Variants in ABCC8 observed in about 807,000 individuals in gnomAD.
ABCC8 encodes ATP binding cassette subfamily C member 8.
A neutral mutation model predicts 188.0 loss-of-function variants in ABCC8; 137 were observed. The ratio of observed to expected loss-of-function variants is 0.73; its 90% CI spans 0.63 to 0.84. ABCC8 has a LOEUF of 0.84. ABCC8 is among the 40% of genes least tolerant of loss of function. The probability of loss-of-function intolerance (pLI) is 0.00; values close to 1 mark genes in which losing one functional copy is unlikely to be tolerated. For missense variants in ABCC8, 1,750 were observed against 2,072.7 expected, an observed-to-expected ratio of 0.84 and a Z score of 3.02; for synonymous variants, 797 against 846.5, an observed-to-expected ratio of 0.94 and a Z score of 1.01.
intron 3 of ABCC8, among the ~76,000 whole-genome samples, chr11:17,466,822 C>T (rs986865600): frequency 7.2e-5 from 11 of 151,956 alleles, no homozygotes; most frequent in South Asian, 4.2e-4. Context: ...TACATTACCA[C>T]GCCCAGCTAA....
intron 3 of ABCC8, among the ~76,000 whole-genome samples, chr11:17,465,152 T>G (rs928177385): frequency 6.6e-6 from 1 of 152,134 alleles, no homozygotes; most frequent in African/African-American, 2.4e-5. Flanking sequence ...TGGAATAATG[T>G]CCCCCAGCTC....
intron 23 of ABCC8, 121 bp from the exon 24 acceptor site, chr11:17,407,574 G>A: frequency 6.6e-7 from 1 of 1,508,690 alleles, no homozygotes; most frequent in Non-Finnish European, 9.0e-7. Flanking sequence ...GTCCCTGCCT[G>A]AGGGAGGGGC....
At chr11:17,411,707 A>C (rs1357185126) in intron 21 of ABCC8, among the ~76,000 whole-genome samples, 2 of 151,924 alleles carry the variant, frequency 1.3e-5, no homozygotes, top group African/African-American at 4.8e-5. Flanking sequence ...GCCCCCTCAT[A>C]GTTTATGCCG....
At chr11:17,442,534 A>G (rs903268698) in intron 10 of ABCC8, among the ~76,000 whole-genome samples, 186 bp downstream of exon 10, 1 of 152,232 alleles carries the variant, frequency 6.6e-6, no homozygotes, top group Middle Eastern at 3.2e-3. Flanking sequence ...TGTTGGATAA[A>G]TGAATGAAGA....
At position 17,395,719 on chromosome 11, in the gene ABCC8, C is replaced by T; in HGVS notation, c.4199-1G>A. 6.4e-7 allele frequency: 1 copy of T among 1,553,514 alleles called. No homozygotes were observed. The highest frequency in any genetic ancestry group is 8.7e-7 in the Non-Finnish European group (1 of 1,147,956). ...TCAATGCCATCAATGATGATGTGCCCTGCATGGGTCCCAGTGAGGGTGCAG... is the reference window on the plus strand; with the variant it reads ...TCAATGCCATCAATGATGATGTGCCTTGCATGGGTCCCAGTGAGGGTGCAG... On this transcript the variant is annotated splice_acceptor_variant, in intron 34 of 38. Transcript: ENST00000389817. LOFTEE classifies it high-confidence loss of function.
intron 3 of ABCC8, among the ~76,000 whole-genome samples, chr11:17,464,373 G>T (rs937712822): frequency 6.6e-6 from 1 of 152,222 alleles, no homozygotes; most frequent in African/African-American, 2.4e-5. Flanking sequence ...GTTCTGTGAG[G>T]CAGCGTTATA....
Position 17,404,609 on chromosome 11 carries a change from C to T in ABCC8, c.3460G>A (p.Ala1154Thr), listed in dbSNP as rs775827563. 4.3e-6 allele frequency: 7 copies of T among 1,613,746 alleles called. No homozygotes were observed. The South Asian group carries it at 5.5e-5, about 13-fold the overall frequency. Residue 1154 changes from alanine (A) to threonine (T), a missense_variant, in exon 28 of 39, where the codon GCC (alanine) becomes ACC (threonine). By Grantham distance (58) the Ala-to-Thr change is moderately conservative. Coordinates refer to ENST00000389817, the MANE Select transcript of ABCC8 (RefSeq NM_000352.6). The surrounding 1 kb of genome is among the most constrained non-coding windows in gnomAD (Gnocchi z 4.7). ...ACAGGTGTGACATAGGAGATGACGG[C>T]CAGGGCTGAGACACAGAGCAGGGTG... The part of the protein sequence containing the change: ...RSTLLCVSAL[A>T]VISYVTPVFL...
At position 17,412,755 on chromosome 11, in the gene ABCC8, A is replaced by G. The variant is rs890244430; in HGVS notation, c.2476-9T>C. Reference sequence around the variant, plus strand: ...CCAGACAGGTTGATGCCCTGTCACCAAAGAGGAGGAACACATCATGCCCTC... The same window carrying G: ...CCAGACAGGTTGATGCCCTGTCACCGAAGAGGAGGAACACATCATGCCCTC... On this transcript the variant is annotated splice_polypyrimidine_tract_variant and intron_variant, in intron 20 of 38. Transcript: ENST00000389817. 1 of 1,604,372 alleles carries G rather than the reference A, an allele frequency of 6.2e-7. No homozygotes were observed. Among genetic ancestry groups the G allele is most frequent in the African/African-American group, 1.3e-5 (1 of 74,674 alleles).
chr11:17,392,499 T>A, downstream of ABCC8: 1 of 234,378 alleles, frequency 4.3e-6, no homozygotes, highest in Non-Finnish European at 8.4e-6. Context: ...GTAATAGGGG[T>A]GGGGCCCTAA....
At chr11:17,461,534 C>G (rs777559129) in intron 5 of ABCC8, 49 bp downstream of exon 5, 7 of 1,612,348 alleles carry the variant, frequency 4.3e-6, no homozygotes, top group Non-Finnish European at 5.1e-6. Flanking sequence ...TCTCTGTGAC[C>G]CTAAACCAGA....
chr11:17,465,175 A>C (rs1458225242), intron 3 of ABCC8, among the ~76,000 whole-genome samples: 1 of 152,194 alleles, frequency 6.6e-6, no homozygotes, highest in Non-Finnish European at 1.5e-5. Flanking sequence ...GCTGGTCTCT[A>C]GGACTGGAGG....
At chr11:17,423,192 A>G (rs1337118924) in intron 16 of ABCC8, among the ~76,000 whole-genome samples, 4 of 151,812 alleles carry the variant, frequency 2.6e-5, no homozygotes, top group Non-Finnish European at 5.9e-5. Flanking sequence ...CCCCGTCTCT[A>G]CTAAAAATAC....
At chr11:17,471,162 G>C (rs1848456752) in intron 2 of ABCC8, among the ~76,000 whole-genome samples, 1 of 152,228 alleles carries the variant, frequency 6.6e-6, no homozygotes, top group Non-Finnish European at 1.5e-5. Flanking sequence ...CTTCTATCCA[G>C]TGTGCCAAGG....
intron 10 of ABCC8, among the ~76,000 whole-genome samples, chr11:17,433,552 G>C (rs985904716): frequency 6.6e-6 from 1 of 152,258 alleles, no homozygotes; most frequent in Non-Finnish European, 1.5e-5. Context: ...TGGGTGGAAG[G>C]ACATGGCCTC....
intron 3 of ABCC8, among the ~76,000 whole-genome samples, chr11:17,464,388 G>A (rs973335102): frequency 2.0e-5 from 3 of 152,218 alleles, no homozygotes; most frequent in Admixed American, 6.5e-5. Context: ...GTTATACAGG[G>A]GTTAGTGGTG....
chr11:17,396,627 A>C, intron 33 of ABCC8: 1 of 460,072 alleles, frequency 2.2e-6, no homozygotes, highest in Non-Finnish European at 4.0e-6. Context: ...GACCATTCGC[A>C]GAGAGGGAGG....
At chr11:17,455,868 G>A (rs538255786) in intron 6 of ABCC8, among the ~76,000 whole-genome samples, 5 of 151,438 alleles carry the variant, frequency 3.3e-5, no homozygotes, top group Middle Eastern at 3.4e-3. Context: ...GAACCCAGGA[G>A]GCAGAGGTTG....
At position 17,463,609 on chromosome 11, in the gene ABCC8, C is replaced by A. The variant is rs186946111; in HGVS notation, c.413-5G>T. On this transcript the variant is annotated splice_region_variant and splice_polypyrimidine_tract_variant and intron_variant, in intron 3 of 38. Coordinates refer to ENST00000389817, the MANE Select transcript of ABCC8 (RefSeq NM_000352.6). ...GGGTCCAATACACCAGCAGGGCTGC[C>A]GAGGAGAGATGGAAGATCGCAGAGA... 4 of 1,569,756 alleles carry A rather than the reference C, an allele frequency of 2.5e-6. No homozygotes were observed. The African/African-American group carries it at 5.4e-5, about 21-fold the overall frequency.
chr11:17,395,087 AACCTGAGACACG>A, intron 36 of ABCC8, 73 bp downstream of exon 36: 12 of 1,523,774 alleles, frequency 7.9e-6, no homozygotes, highest in Non-Finnish European at 9.8e-6. Flanking sequence ...ACTTGGGGCA[AACCTGAGACACG>A]GGCTTCTGTC....
Sources: allele counts gnomAD v4.1 joint callset (sites outside exome capture counted in the v4.1 genomes callset), GRCh38; gene constraint gnomAD v4.1.1; non-coding constraint Gnocchi (gnomAD v3.1); transcripts MANE v1.5; gene names NCBI Gene and HGNC (gene_info 2026-07-23, HGNC 2026-07-21).